The following RAB3C variants were observed in gnomAD, a reference collection of about 807,000 sequenced individuals.
RAB3C encodes ras-related protein Rab-3C.
RAB3C carries 17 observed loss-of-function variants against 26.4 expected under a neutral mutation model. The ratio of observed to expected loss-of-function variants is 0.64; its 90% CI spans 0.44 to 0.97. The LOEUF (loss-of-function observed/expected upper bound fraction) is 0.97, where lower values mean the gene tolerates loss of function less well. Ranked by LOEUF, RAB3C falls within the 50% of genes least tolerant of loss-of-function variation. The pLI is 0.00. For missense variants in RAB3C, 242 were observed against 281.9 expected (o/e 0.86, Z 1.01); for synonymous variants, 91 against 95.9 (o/e 0.95, Z 0.30).
At chr5:58,716,256 A>AT (rs1292413871) in intron 2 of RAB3C, among the ~76,000 whole-genome samples, 3 of 152,096 alleles carry the variant, frequency 2.0e-5, no homozygotes, top group Admixed American at 1.3e-4. Flanking sequence ...CACAGCTACA[A>AT]TTGGTTGAAA....
At chr5:58,649,887 C>T (rs1016513870) in intron 2 of RAB3C, among the ~76,000 whole-genome samples, 2 of 152,200 alleles carry the variant, frequency 1.3e-5, no homozygotes, top group African/African-American at 2.4e-5. Context: ...CATCTGGAGA[C>T]TGCTGAAGAT....
intron 2 of RAB3C, among the ~76,000 whole-genome samples, chr5:58,686,357 C>T (rs1047356134): frequency 7.2e-5 from 11 of 151,984 alleles, no homozygotes; most frequent in Admixed American, 3.3e-4. Context: ...TGTATTATTT[C>T]GTATTCTTCA....
intron 2 of RAB3C, among the ~76,000 whole-genome samples, chr5:58,638,908 C>G (rs1325525911): frequency 6.6e-6 from 1 of 152,192 alleles, no homozygotes; most frequent in African/African-American, 2.4e-5. Context: ...GCAGCGTGGG[C>G]AGGTCTGTGC....
intron 2 of RAB3C, among the ~76,000 whole-genome samples, chr5:58,707,165 C>CT (rs1748961086): frequency 6.6e-6 from 1 of 152,140 alleles, no homozygotes; most frequent in Admixed American, 6.6e-5. Flanking sequence ...CAACCTGTAT[C>CT]TTCACTCCTT....
At chr5:58,807,975 C>G (rs1410950326) in intron 3 of RAB3C, among the ~76,000 whole-genome samples, 2 of 152,050 alleles carry the variant, frequency 1.3e-5, no homozygotes, top group Non-Finnish European at 2.9e-5. Context: ...CCTGTAATCC[C>G]AGTGCTTTGG....
Position 58,825,131 on chromosome 5 carries a change from T to A in RAB3C, c.465T>A (p.Thr155=), listed in dbSNP as rs747248670. The A allele has an allele frequency of 1.2e-6, 2 of 1,612,788 alleles. No individual in the cohort carries two copies. The highest frequency in any genetic ancestry group is 1.7e-6 in the Non-Finnish European group (2 of 1,179,130). The change falls in exon 4 of 5, where the codon ACT becomes ACA. Residue 155 remains threonine, a synonymous_variant. Transcript: ENST00000282878. ...TGGAAGACGAGCGGGTCATCTCAAC[T>A]GAGCGAGGTCAACATTTAGGAGAAC... ...CDMEDERVIS[T]ERGQHLGEQL...
chr5:58,693,336 G>GTATATATATATATATATATATATATA (rs61291213), intron 2 of RAB3C, among the ~76,000 whole-genome samples: 4 of 111,770 alleles, frequency 3.6e-5, no homozygotes, highest in African/African-American at 1.5e-4. Context: ...ATATATATGT[G>GTATATATATATATATATATATATATA]TATATATATA....
intron 3 of RAB3C, among the ~76,000 whole-genome samples, chr5:58,816,880 C>A (rs763446361): frequency 3.9e-5 from 6 of 152,140 alleles, no homozygotes; most frequent in Non-Finnish European, 8.8e-5. Flanking sequence ...CTATGTTAAA[C>A]TGGGCTTTTC....
At position 58,851,394 on chromosome 5, in the gene RAB3C, A is replaced by G. The variant is rs901194903; in HGVS notation, c.*43A>G. 20 of 1,476,184 alleles carry G rather than the reference A, an allele frequency of 1.4e-5. No individual in the cohort carries two copies. The highest frequency in any genetic ancestry group is 1.6e-5 in the Non-Finnish European group (18 of 1,097,294). 91.4% of individuals were successfully genotyped at this position (1,476,184 alleles called of 1,614,324 possible). On this transcript the variant is annotated 3_prime_UTR_variant, in exon 5 of 5. Coordinates refer to ENST00000282878, the MANE Select transcript of RAB3C (RefSeq NM_138453.4). The stretch of plus-strand genomic sequence containing the variant: ...GCAGCTCCAGGGGGCTCTGGTTGCC[A>G]ACAAACAGCATTTGTAAATGGTCTA...
At chr5:58,707,747 T>G (rs1748973336) in intron 2 of RAB3C, among the ~76,000 whole-genome samples, 2 of 152,172 alleles carry the variant, frequency 1.3e-5, no homozygotes, top group South Asian at 4.1e-4. Flanking sequence ...AGGAGCACTA[T>G]GTTAAATTGC....
intron 2 of RAB3C, among the ~76,000 whole-genome samples, chr5:58,621,054 G>T (rs191424759): frequency 6.6e-6 from 1 of 152,266 alleles, no homozygotes; most frequent in East Asian, 1.9e-4. Context: ...CAGATGGCTT[G>T]TCATCTCATT....
intron 2 of RAB3C, among the ~76,000 whole-genome samples, chr5:58,636,392 A>G (rs891770137): frequency 6.6e-6 from 1 of 152,220 alleles, no homozygotes; most frequent in African/African-American, 2.4e-5. Context: ...TCAAGTATCC[A>G]TCATAACTGG....
intron 2 of RAB3C, among the ~76,000 whole-genome samples, chr5:58,654,473 A>T (rs1458346361): frequency 6.6e-6 from 1 of 152,190 alleles, no homozygotes; most frequent in Non-Finnish European, 1.5e-5. Flanking sequence ...ATTATAATTT[A>T]AATGTTTTTA....
At chr5:58,595,707 G>A (rs1746232206) in intron 1 of RAB3C, among the ~76,000 whole-genome samples, 1 of 152,126 alleles carries the variant, frequency 6.6e-6, no homozygotes, top group African/African-American at 2.4e-5. Context: ...TTTGGTTCTA[G>A]TGTACCCTAA....
chr5:58,617,378 C>T lies in RAB3C; in HGVS notation c.25-265C>T. On this transcript the variant is annotated intron_variant, in intron 1 of 4. Coordinates refer to ENST00000282878, the MANE Select transcript of RAB3C (RefSeq NM_138453.4). Reference sequence around the variant, plus strand: ...CCCTTATAGACATCCCCTTTGGTGTCTTTGATTGGTTCTGAATGCTGAGCA... The same window carrying T: ...CCCTTATAGACATCCCCTTTGGTGTTTTTGATTGGTTCTGAATGCTGAGCA... 11 of 651,622 alleles carry T rather than the reference C, an allele frequency of 1.7e-5. No individual in the cohort carries two copies. The Admixed American group carries it at 2.3e-4, about 14-fold the overall frequency. The allele number at this position is 651,622 out of a possible 1,614,324, so 40.4% of individuals were successfully genotyped here.
At position 58,788,858 on chromosome 5, in the gene RAB3C, C is replaced by A. The variant is rs1742456054; in HGVS notation, c.372-36180C>A. On this transcript the variant is annotated intron_variant, in intron 3 of 4. Coordinates refer to ENST00000282878, the MANE Select transcript of RAB3C (RefSeq NM_138453.4). ...TTTGGATAATGGTATGTAAATATAT[C>A]ATATTCCTTCTTTCCTAAGTGGTTT... 1.3e-5 allele frequency among the ~76,000 whole-genome samples: 2 copies of A among 152,140 alleles called. 1 individual carries two copies. The highest frequency in any genetic ancestry group is 1.3e-4 in the Admixed American group (2 of 15,274).
intron 2 of RAB3C, among the ~76,000 whole-genome samples, chr5:58,627,315 A>G (rs1415356884): frequency 6.6e-6 from 1 of 152,086 alleles, no homozygotes; most frequent in Non-Finnish European, 1.5e-5. Context: ...ATTTACAGTT[A>G]TACTGAACTG....
intron 3 of RAB3C, among the ~76,000 whole-genome samples, chr5:58,726,805 G>A (rs1474002909): frequency 2.6e-5 from 4 of 151,936 alleles, no homozygotes; most frequent in Non-Finnish European, 4.4e-5. Flanking sequence ...GAGTGTTTAC[G>A]GTGGGGGGTT....
rs76148241 is a variant in RAB3C, at chr5:58,777,519, G to A, written c.372-47519G>A. ...GTTCATATAGCACTATAACATCTTG[G>A]CACATTTAGTTATAGATAATTTTAT... On this transcript the variant is annotated intron_variant, in intron 3 of 4. Coordinates refer to ENST00000282878, the MANE Select transcript of RAB3C (RefSeq NM_138453.4). Among the ~76,000 whole-genome samples the A allele has an allele frequency of 9.7e-3, 1,477 of 151,652 alleles. 24 individuals are homozygous for A. The highest frequency in any genetic ancestry group is 0.034 in the African/African-American group (1,386 of 41,316).
Sources: allele counts gnomAD v4.1 joint callset (sites outside exome capture counted in the v4.1 genomes callset), GRCh38; gene constraint gnomAD v4.1.1; transcripts MANE v1.5; gene names NCBI Gene and HGNC (gene_info 2026-07-23, HGNC 2026-07-21).